MBD5: variants seen among roughly 807,000 people sequenced by gnomAD.
MBD5 encodes the protein methyl-CpG-binding domain protein 5.
A neutral mutation model predicts 117.3 loss-of-function variants in MBD5; 13 were observed. The observed-to-expected ratio is 0.11, with a 90% CI of 0.07 to 0.18. MBD5 has a LOEUF of 0.18. Among genes scored for constraint, MBD5 ranks in the 10% least tolerant of loss-of-function variants. MBD5 has a pLI of 1.00. For missense variants in MBD5, 1,879 were observed against 2,093.8 expected, an observed-to-expected ratio of 0.90 and a Z score of 2.00; for synonymous variants, 727 against 766.4, an observed-to-expected ratio of 0.95 and a Z score of 0.85.
intron 4 of MBD5, among the ~76,000 whole-genome samples, chr2:148,427,513 A>T (rs575395032): frequency 1.3e-5 from 2 of 152,176 alleles, no homozygotes; most frequent in Non-Finnish European, 1.5e-5. Flanking sequence ...GCTGGAAACC[A>T]TCATTCTCAG....
intron 4 of MBD5, among the ~76,000 whole-genome samples, chr2:148,401,044 G>T (rs1704904950): frequency 6.6e-6 from 1 of 152,208 alleles, no homozygotes. Context: ...ATATCATCTA[G>T]CTCTTGTTTT....
chr2:148,174,359 A>G (rs1378004650), intron 1 of MBD5, among the ~76,000 whole-genome samples: 2 of 152,206 alleles, frequency 1.3e-5, no homozygotes, highest in African/African-American at 4.8e-5. Context: ...CTCCTAGAAG[A>G]AAACTTAGGG....
At chr2:148,496,768 G>A (rs1412382442) in intron 11 of MBD5, among the ~76,000 whole-genome samples, 1 of 152,146 alleles carries the variant, frequency 6.6e-6, no homozygotes, top group Non-Finnish European at 1.5e-5. Context: ...AAGAAGAAAG[G>A]AAGCACCGAA....
intron 8 of MBD5, among the ~76,000 whole-genome samples, chr2:148,477,563 G>C (rs947631881): frequency 4.0e-5 from 6 of 151,362 alleles, no homozygotes; most frequent in Non-Finnish European, 8.8e-5. Flanking sequence ...GAAAGATCTA[G>C]TATTCTCATA....
chr2:148,470,870 A>G (rs1208039253), intron 8 of MBD5: 1 of 183,346 alleles, frequency 5.5e-6, no homozygotes, highest in Non-Finnish European at 1.1e-5. Flanking sequence ...TTATCTTGGA[A>G]AAATCCAAAA....
At chr2:148,313,160 C>T (rs1357871752) in intron 3 of MBD5, among the ~76,000 whole-genome samples, 1 of 152,128 alleles carries the variant, frequency 6.6e-6, no homozygotes, top group Non-Finnish European at 1.5e-5. Context: ...CAGTCTATCC[C>T]TTAGCAGAAC....
chr2:148,319,155 C>G (rs1174363502), intron 3 of MBD5, among the ~76,000 whole-genome samples: 1 of 152,102 alleles, frequency 6.6e-6, no homozygotes, highest in Non-Finnish European at 1.5e-5. Flanking sequence ...GTTACTATAG[C>G]CTTGTAGTGT....
chr2:148,234,836 A>G (rs901515738), intron 3 of MBD5, among the ~76,000 whole-genome samples: 6 of 152,256 alleles, frequency 3.9e-5, no homozygotes, highest in African/African-American at 1.4e-4. Flanking sequence ...CTGGAATTGC[A>G]TTTTAAATAT....
chr2:148,365,797 A>G (rs1703680476), intron 4 of MBD5, among the ~76,000 whole-genome samples: 2 of 152,160 alleles, frequency 1.3e-5, no homozygotes, highest in African/African-American at 4.8e-5. Flanking sequence ...GAATCACTGA[A>G]TAGACCAATA....
At chr2:148,355,759 A>G (rs1035871764) in intron 4 of MBD5, among the ~76,000 whole-genome samples, 1 of 152,178 alleles carries the variant, frequency 6.6e-6, no homozygotes, top group Admixed American at 6.5e-5. Flanking sequence ...TCTTGGCTAT[A>G]CAGGCTCTTT....
intron 1 of MBD5, among the ~76,000 whole-genome samples, chr2:148,153,972 G>A (rs1285793417): frequency 3.2e-5 from 4 of 124,966 alleles, no homozygotes; most frequent in Admixed American, 8.6e-5. Flanking sequence ...GCTTTGTTCC[G>A]TTGCTGGTGA....
intron 1 of MBD5, among the ~76,000 whole-genome samples, chr2:148,147,274 G>T (rs1049418288): frequency 6.7e-6 from 1 of 149,802 alleles, no homozygotes; most frequent in Admixed American, 6.7e-5. Flanking sequence ...ACGGAGTCTC[G>T]CACTGTCACC....
At chr2:148,423,849 A>G (rs113821242) in intron 4 of MBD5, among the ~76,000 whole-genome samples, 38,394 of 151,832 alleles carry the variant, frequency 0.25, 5,714 homozygotes, top group African/African-American at 0.41. Flanking sequence ...TAAAGGGATA[A>G]AGTAATATTT....
chr2:148,490,823 T>C, intron 11 of MBD5: 2 of 558,596 alleles, frequency 3.6e-6, no homozygotes, highest in Non-Finnish European at 6.3e-6. Flanking sequence ...ACACTAGGGC[T>C]CAGGGTGGCT....
chr2:148,149,992 G>A lies in MBD5; in HGVS notation c.-924-28708G>A, dbSNP rs1196349993. Among the ~76,000 whole-genome samples the A allele has an allele frequency of 4.3e-5, 6 of 138,784 alleles. No homozygotes were observed. The South Asian group carries it at 1.6e-3, about 36-fold the overall frequency. The allele number at this position is 138,784 out of a possible 152,430, so 91.0% of individuals were successfully genotyped here. A position where few individuals can be genotyped will look rare whatever the true frequency, so the allele number is the denominator to read the frequency against. On this transcript the variant is annotated intron_variant, in intron 1 of 13. Coordinates refer to ENST00000642680, the MANE Select transcript of MBD5 (RefSeq NM_001378120.1). ...GGCTTTTGTTGCCATTGCTTTTGGTGTTTTAGACATGAAGTCCTTGCCCAT... is the reference window on the plus strand; with the variant it reads ...GGCTTTTGTTGCCATTGCTTTTGGTATTTTAGACATGAAGTCCTTGCCCAT...
At chr2:148,413,510 CTTT>C (rs56767489) in intron 4 of MBD5, among the ~76,000 whole-genome samples, 1 of 139,808 alleles carries the variant, frequency 7.2e-6, no homozygotes. Context: ...CCTCCCCCAC[CTTT>C]TTTTTTTTTT....
chr2:148,219,297 C>T (rs893188392), intron 2 of MBD5, among the ~76,000 whole-genome samples: 14 of 152,108 alleles, frequency 9.2e-5, no homozygotes, highest in South Asian at 2.1e-4. Flanking sequence ...GTAACCCACA[C>T]GGAGCTGTCA....
At chr2:148,465,017 A>G (rs1420977516) in intron 7 of MBD5, among the ~76,000 whole-genome samples, 1 of 152,058 alleles carries the variant, frequency 6.6e-6, no homozygotes, top group African/African-American at 2.4e-5. Flanking sequence ...TCACATTGCA[A>G]TCAAAGATTG....
At position 148,265,160 on chromosome 2, in the gene MBD5, T is replaced by A. The variant is rs371293173; in HGVS notation, c.-680+31765T>A. On this transcript the variant is annotated intron_variant, in intron 3 of 13. Coordinates refer to ENST00000642680, the MANE Select transcript of MBD5 (RefSeq NM_001378120.1). ...TTGTAACAGCATGGTGTTCAAATAC[T>A]TTTCTTTTTAAATTTATGTTTTACT... 22 of 152,238 alleles carry A rather than the reference T, an allele frequency of 1.4e-4. No individual in the cohort carries two copies. In the East Asian group the frequency reaches 4.2e-3, roughly 29 times the overall value. The allele number at this position is 152,238 out of a possible 1,614,324, so 9.4% of individuals were successfully genotyped here.
Sources: gnomAD v4.1 joint callset for allele counts (sites outside exome capture counted in the v4.1 genomes callset) on GRCh38, gnomAD v4.1.1 for gene constraint, MANE v1.5 for transcripts, NCBI Gene and HGNC (gene_info 2026-07-23, HGNC 2026-07-21) for gene names.